GALNT13: variants seen among roughly 807,000 people sequenced by gnomAD.
GALNT13 encodes UDP-GalNAc:polypeptide N-acetylgalactosaminyltransferase 13.
GALNT13 carries 28 observed loss-of-function variants against 64.2 expected under a neutral mutation model. The observed-to-expected ratio is 0.44, with a 90% confidence interval of 0.32 to 0.60. The LOEUF is 0.60. Ranked by LOEUF, GALNT13 falls within the 20% of genes least tolerant of loss-of-function variation. GALNT13 has a pLI of 0.05. For synonymous variants in GALNT13, 214 were observed against 224.6 expected, an observed-to-expected ratio of 0.95 and a Z score of 0.42; for missense variants, 577 against 669.8, an observed-to-expected ratio of 0.86 and a Z score of 1.53.
intron 9 of GALNT13, among the ~76,000 whole-genome samples, chr2:154,317,977 T>G (rs187616697): frequency 8.4e-4 from 128 of 152,042 alleles, no homozygotes; most frequent in Admixed American, 3.5e-3. Context: ...TTTTGCAGAC[T>G]ATCAGTTTGT....
intron 8 of GALNT13, among the ~76,000 whole-genome samples, chr2:154,300,363 A>G (rs939104386): frequency 6.6e-6 from 1 of 152,042 alleles, no homozygotes; most frequent in African/African-American, 2.4e-5. Context: ...TCGGCCTCCC[A>G]AAGTGGTGGG....
the GALNT13 span, among the ~76,000 whole-genome samples, chr2:153,157,117 C>T: frequency 6.6e-6 from 1 of 152,188 alleles, no homozygotes; most frequent in African/African-American, 2.4e-5. Context: ...TCTATGAAAA[C>T]TCAACAAATA....
intron 3 of GALNT13, among the ~76,000 whole-genome samples, chr2:154,118,282 C>CTTT (rs557217006): frequency 0.054 from 7,107 of 130,482 alleles, 347 homozygotes; most frequent in African/African-American, 0.13. Flanking sequence ...CCCTCTTTGT[C>CTTT]TTTTTTTTTT....
chr2:153,742,992 G>T, the GALNT13 span, among the ~76,000 whole-genome samples: 4 of 114,654 alleles, frequency 3.5e-5, no homozygotes, highest in African/African-American at 1.3e-4. Flanking sequence ...GAAGTGGGGG[G>T]GGAGAGAGGG....
intron 9 of GALNT13, among the ~76,000 whole-genome samples, chr2:154,364,593 T>C (rs1395752731): frequency 6.6e-6 from 1 of 152,338 alleles, no homozygotes; most frequent in East Asian, 1.9e-4. Context: ...AATTAAACTT[T>C]TAATCTGTTT....
the GALNT13 span, among the ~76,000 whole-genome samples, chr2:153,714,383 C>T: frequency 6.6e-6 from 1 of 152,114 alleles, no homozygotes; most frequent in Non-Finnish European, 1.5e-5. Context: ...ATATGGGTAT[C>T]ATGTTTTTGA....
chr2:153,355,832 T>G, the GALNT13 span, among the ~76,000 whole-genome samples: 1 of 152,244 alleles, frequency 6.6e-6, no homozygotes, highest in East Asian at 1.9e-4. Flanking sequence ...TGACTCATAA[T>G]AAGTGCTCAG....
At chr2:153,626,062 T>C in the GALNT13 span, among the ~76,000 whole-genome samples, 6 of 152,128 alleles carry the variant, frequency 3.9e-5, no homozygotes, top group Admixed American at 3.3e-4. Context: ...CTTTCAAGAA[T>C]ATAAGATGCA....
the GALNT13 span, among the ~76,000 whole-genome samples, chr2:153,807,627 A>G: frequency 6.6e-6 from 1 of 152,006 alleles, no homozygotes; most frequent in Non-Finnish European, 1.5e-5. Flanking sequence ...TTCCTGAGTT[A>G]TTTTACAGTA....
chr2:153,269,572 C>T, the GALNT13 span, among the ~76,000 whole-genome samples: 2 of 152,262 alleles, frequency 1.3e-5, no homozygotes, highest in African/African-American at 4.8e-5. Context: ...GTTTCAACCT[C>T]TGCTTGTTAC....
At chr2:153,989,856 A>G (rs565833927) in intron 3 of GALNT13, among the ~76,000 whole-genome samples, 5 of 152,110 alleles carry the variant, frequency 3.3e-5, no homozygotes, top group Non-Finnish European at 7.4e-5. Flanking sequence ...TGTTTTGGGT[A>G]TAGAAAAGTC....
At chr2:153,822,074 A>G in the GALNT13 span, among the ~76,000 whole-genome samples, 1 of 152,176 alleles carries the variant, frequency 6.6e-6, no homozygotes, top group Non-Finnish European at 1.5e-5. Flanking sequence ...GAGCTCCAAA[A>G]TAGAATCAGT....
At chr2:153,936,853 T>A (rs971651571) in intron 2 of GALNT13, among the ~76,000 whole-genome samples, 1 of 152,054 alleles carries the variant, frequency 6.6e-6, no homozygotes, top group African/African-American at 2.4e-5. Flanking sequence ...CCTGAGTAGC[T>A]GGGACTACAG....
chr2:153,852,300 A>G, the GALNT13 span, among the ~76,000 whole-genome samples: 6 of 152,210 alleles, frequency 3.9e-5, no homozygotes, highest in Admixed American at 6.5e-5. Flanking sequence ...ACCACTTTAA[A>G]TATATGCCAA....
chr2:153,914,644 T>G (rs1689205360), intron 2 of GALNT13, among the ~76,000 whole-genome samples: 1 of 152,194 alleles, frequency 6.6e-6, no homozygotes, highest in Non-Finnish European at 1.5e-5. Flanking sequence ...ATTTTCAAAT[T>G]ATCTCAAACC....
rs573222574 is a variant in GALNT13, at chr2:153,907,485, G to C, written c.-105+6478G>C. 2.6e-5 allele frequency among the ~76,000 whole-genome samples: 4 copies of C among 151,882 alleles called. No individual in the cohort carries two copies. The South Asian group carries it at 8.3e-4, about 32-fold the overall frequency. Reference sequence around the variant, plus strand: ...TTGTGTCATGGGGGTTTGTTGTACAGATTATTTTGTCACTGGAATACTAAG... The same window carrying C: ...TTGTGTCATGGGGGTTTGTTGTACACATTATTTTGTCACTGGAATACTAAG... On this transcript the variant is annotated intron_variant, in intron 2 of 12. Coordinates refer to ENST00000392825, the MANE Select transcript of GALNT13 (RefSeq NM_052917.4).
At chr2:153,935,703 G>C (rs892126651) in intron 2 of GALNT13, among the ~76,000 whole-genome samples, 6 of 152,190 alleles carry the variant, frequency 3.9e-5, no homozygotes, top group African/African-American at 1.4e-4. Context: ...ATGACAAATG[G>C]AACAGCAGGC....
chr2:153,630,030 A>G, the GALNT13 span, among the ~76,000 whole-genome samples: 1 of 144,826 alleles, frequency 6.9e-6, no homozygotes, highest in South Asian at 2.3e-4. Flanking sequence ...AGAAATAGGA[A>G]CACTTTTACA....
chr2:154,013,830 A>C (rs1236846666), intron 3 of GALNT13, among the ~76,000 whole-genome samples: 1 of 152,050 alleles, frequency 6.6e-6, no homozygotes, highest in Non-Finnish European at 1.5e-5. Flanking sequence ...CCTTGCGCAC[A>C]CACTGCCAAA....
Sources: gnomAD v4.1 joint callset for allele counts (sites outside exome capture counted in the v4.1 genomes callset) on GRCh38, gnomAD v4.1.1 for gene constraint, MANE v1.5 for transcripts, NCBI Gene and HGNC (gene_info 2026-07-23, HGNC 2026-07-21) for gene names.